Variants in ABCA13 observed in about 807,000 individuals in gnomAD.
ABCA13 encodes ATP-binding cassette sub-family A member 13.
In ABCA13, 476 loss-of-function variants were observed where a neutral mutation model predicts 478.7. The ratio of observed to expected loss-of-function variants is 0.99; its 90% CI spans 0.92 to 1.07. The LOEUF (loss-of-function observed/expected upper bound fraction) is 1.07. ABCA13 is among the 50% of genes least tolerant of loss of function. The probability of loss-of-function intolerance (pLI) is 0.00; values close to 1 mark genes in which losing one functional copy is unlikely to be tolerated. For missense variants in ABCA13, 6,060 were observed against 5,910.6 expected, an observed-to-expected ratio of 1.03 and a Z score of -0.83; for synonymous variants, 2,252 against 2,158.9, an observed-to-expected ratio of 1.04 and a Z score of -1.20.
At chr7:48,441,207 G>T (rs913977118) in intron 42 of ABCA13, among the ~76,000 whole-genome samples, 7 of 152,086 alleles carry the variant, frequency 4.6e-5, no homozygotes, top group African/African-American at 1.7e-4. Context: ...ATTAGCTCAG[G>T]ATATTGGACA....
At chr7:48,552,901 G>C (rs1482424047) in intron 55 of ABCA13, among the ~76,000 whole-genome samples, 1 of 151,236 alleles carries the variant, frequency 6.6e-6, no homozygotes, top group Non-Finnish European at 1.5e-5. Flanking sequence ...TAAAATACTA[G>C]GTCTTATTCA....
At chr7:48,239,429 C>A in intron 9 of ABCA13, 24 bp downstream of exon 9, 1 of 1,596,682 alleles carries the variant, frequency 6.3e-7, no homozygotes. Context: ...TCTCTATGTT[C>A]TGTTCAAAGG....
chr7:48,199,302 A>G (rs1055403119), intron 3 of ABCA13, among the ~76,000 whole-genome samples: 6 of 152,206 alleles, frequency 3.9e-5, no homozygotes, highest in African/African-American at 1.4e-4. Flanking sequence ...TGTGTGGCTT[A>G]TAAGAAACAA....
chr7:48,192,148 C>A (rs969154410), intron 1 of ABCA13, among the ~76,000 whole-genome samples: 2 of 150,926 alleles, frequency 1.3e-5, no homozygotes, highest in Non-Finnish European at 2.9e-5. Context: ...ACAATTGAGG[C>A]TTTTCTATTA....
chr7:48,245,719 G>A, intron 12 of ABCA13, 107 bp downstream of exon 12: 4 of 1,419,424 alleles, frequency 2.8e-6, no homozygotes, highest in Non-Finnish European at 3.8e-6. Context: ...GCTAAAAAAG[G>A]GAACAATATG....
At chr7:48,365,585 A>T (rs1811537847) in intron 31 of ABCA13, among the ~76,000 whole-genome samples, 1 of 152,136 alleles carries the variant, frequency 6.6e-6, no homozygotes, top group Non-Finnish European at 1.5e-5. Flanking sequence ...TTTAGAGTTG[A>T]TGTTTGTATA....
At chr7:48,358,093 G>C (rs1036554621) in intron 31 of ABCA13, among the ~76,000 whole-genome samples, 2 of 151,054 alleles carry the variant, frequency 1.3e-5, no homozygotes, top group African/African-American at 4.9e-5. Context: ...AGTGAGCTGA[G>C]ATTGCACCAT....
intron 46 of ABCA13, 141 bp downstream of exon 46, chr7:48,481,295 C>T: frequency 1.5e-6 from 1 of 662,976 alleles, no homozygotes; most frequent in Non-Finnish European, 2.6e-6. Context: ...GTGTGATGTT[C>T]CCCTTCCTGT....
At chr7:48,397,115 T>C (rs1320009041) in intron 38 of ABCA13, among the ~76,000 whole-genome samples, 1 of 152,212 alleles carries the variant, frequency 6.6e-6, no homozygotes, top group Non-Finnish European at 1.5e-5. Flanking sequence ...GGTTGAGCCC[T>C]GCTGGGAGTT....
chr7:48,274,508 T>C lies in ABCA13; in HGVS notation c.4842T>C (p.Asn1614=). Residue 1614 remains asparagine (N), a synonymous_variant, in exon 17 of 62, where the codon AAT becomes AAC. Coordinates refer to ENST00000435803, the MANE Select transcript of ABCA13 (RefSeq NM_152701.5). Reference sequence around the variant, plus strand: ...TCAGCTTATCTCATGACCTCCAAAATTCACCAAAAATAATAATTTCACCTG... The same window carrying C: ...TCAGCTTATCTCATGACCTCCAAAACTCACCAAAAATAATAATTTCACCTG... The part of the protein sequence containing the change: ...LAFSLSHDLQ[N]SPKIIISPEI... 6.2e-7 allele frequency: 1 copy of C among 1,613,830 alleles called. No homozygotes were observed. Among genetic ancestry groups the C allele is most frequent in the Non-Finnish European group, 8.5e-7 (1 of 1,179,834 alleles).
At chr7:48,434,470 C>T in intron 42 of ABCA13, among the ~76,000 whole-genome samples, 1 of 151,688 alleles carries the variant, frequency 6.6e-6, no homozygotes, top group East Asian at 1.9e-4. Context: ...CCTTTTTACT[C>T]TATTAATTGT....
chr7:48,390,275 G>A (rs1350170313), intron 37 of ABCA13, among the ~76,000 whole-genome samples: 1 of 152,180 alleles, frequency 6.6e-6, no homozygotes, highest in African/African-American at 2.4e-5. Context: ...GTGTACATTT[G>A]TAGTACATTT....
At chr7:48,191,788 T>G (rs1477539792) in intron 1 of ABCA13, among the ~76,000 whole-genome samples, 1 of 152,202 alleles carries the variant, frequency 6.6e-6, no homozygotes, top group Admixed American at 6.5e-5. Flanking sequence ...CTTCATGGCT[T>G]TAGGCCACTC....
intron 47 of ABCA13, among the ~76,000 whole-genome samples, chr7:48,488,496 C>G (rs1297657384): frequency 6.6e-6 from 1 of 152,134 alleles, no homozygotes; most frequent in Non-Finnish European, 1.5e-5. Flanking sequence ...GTAATTCTAC[C>G]AAGCGGATTA....
At chr7:48,171,633 T>C in intron 1 of ABCA13, 81 bp downstream of exon 1, 5 of 1,442,416 alleles carry the variant, frequency 3.5e-6, no homozygotes, top group Non-Finnish European at 3.8e-6. Flanking sequence ...TGCCTGCCTC[T>C]GCCTCCTGGC....
chr7:48,240,973 G>A lies in ABCA13; in HGVS notation c.1169G>A (p.Trp390Ter). 6.2e-7 allele frequency: 1 copy of A among 1,613,910 alleles called. No individual in the cohort carries two copies. The highest frequency in any genetic ancestry group is 1.7e-5 in the Admixed American group (1 of 60,016). The change falls in exon 10 of 62, where the codon TGG (tryptophan) becomes TAG (stop). Residue 390 changes from tryptophan to a stop codon, truncating the protein, a stop_gained. Coordinates refer to ENST00000435803, the MANE Select transcript of ABCA13 (RefSeq NM_152701.5). LOFTEE classifies it high-confidence loss of function. The part of the protein sequence containing the change: ...RNQFEEESKP[W>*]KVVEALHTAL... ...CAGTTTGAAGAAGAGAGCAAGCCCT[G>A]GAAGGTGGTGGAAGCTCTGCACACT...
chr7:48,445,220 G>T, intron 42 of ABCA13, among the ~76,000 whole-genome samples: 1 of 152,076 alleles, frequency 6.6e-6, no homozygotes. Flanking sequence ...TGTTGATCAG[G>T]CTGGTCTTGA....
chr7:48,221,326 T>C lies in ABCA13; in HGVS notation c.468+17T>C, dbSNP rs531073745. The stretch of plus-strand genomic sequence containing the variant: ...TTTTTTACAGTAAGTATCTTAACAA[T>C]AGTTTGAAAATTAGTCTTCAGAGAC... On this transcript the variant is annotated intron_variant, in intron 5 of 61. Transcript: ENST00000435803. 5.3e-5 allele frequency: 59 copies of C among 1,112,126 alleles called. 3 individuals carry two copies. In the South Asian group the frequency reaches 8.0e-4, roughly 15 times the overall value. 68.9% of individuals were successfully genotyped at this position (1,112,126 alleles called of 1,614,324 possible).
In ABCA13 at chr7:48,278,093, G is replaced by C; in HGVS notation, c.6900-1G>C. 8.3e-7 allele frequency: 1 copy of C among 1,209,040 alleles called. No homozygotes were observed. Among genetic ancestry groups the C allele is most frequent in the Admixed American group, 3.3e-5 (1 of 29,916 alleles). The allele number at this position is 1,209,040 out of a possible 1,614,324, so 74.9% of individuals were successfully genotyped here. A position where few individuals can be genotyped will look rare whatever the true frequency, so the allele number is the denominator to read the frequency against. On this transcript the variant is annotated splice_acceptor_variant, in intron 17 of 61. Transcript: ENST00000435803. LOFTEE classifies it high-confidence loss of function. Reference sequence around the variant, plus strand: ...AAGTATATATATATATATATTTACAGTTTTGTCCCAAAAGATAAAATTCTA... The same window carrying C: ...AAGTATATATATATATATATTTACACTTTTGTCCCAAAAGATAAAATTCTA...
Sources: gnomAD v4.1 joint callset for allele counts (sites outside exome capture counted in the v4.1 genomes callset) on GRCh38, gnomAD v4.1.1 for gene constraint, MANE v1.5 for transcripts, NCBI Gene and HGNC (gene_info 2026-07-23, HGNC 2026-07-21) for gene names.